Variants in PATJ observed in about 807,000 individuals in gnomAD.
PATJ encodes the protein inaD-like protein.
A neutral mutation model predicts 224.9 loss-of-function variants in PATJ; 190 were observed. The ratio of observed to expected loss-of-function variants is 0.84; its 90% CI spans 0.75 to 0.95. The LOEUF is 0.95. PATJ is among the 40% of genes least tolerant of loss of function. The pLI is 0.00. For synonymous variants in PATJ, 769 were observed against 820.3 expected (o/e 0.94, Z 1.07); for missense variants, 2,121 against 2,270.3 (o/e 0.93, Z 1.34).
chr1:62,070,688 TTTATA>T (rs1448938033), intron 31 of PATJ, among the ~76,000 whole-genome samples: 1 of 152,046 alleles, frequency 6.6e-6, no homozygotes, highest in Non-Finnish European at 1.5e-5. Context: ...AGAAGCAAAA[TTTATA>T]AAGGGCAGGG....
chr1:62,111,393 GA>G (rs1032460846), intron 34 of PATJ, among the ~76,000 whole-genome samples: 11 of 152,270 alleles, frequency 7.2e-5, no homozygotes, highest in African/African-American at 2.4e-4. Flanking sequence ...ATGCTGAGAG[GA>G]AAAACAGCCT....
intron 34 of PATJ, among the ~76,000 whole-genome samples, chr1:62,110,946 A>G (rs1399183894): frequency 6.6e-6 from 1 of 152,192 alleles, no homozygotes; most frequent in Non-Finnish European, 1.5e-5. Flanking sequence ...CACTTACATA[A>G]TACATCTCCC....
chr1:61,813,365 A>ATATATT (rs1655310595), intron 14 of PATJ, among the ~76,000 whole-genome samples: 3 of 48,326 alleles, frequency 6.2e-5, no homozygotes, highest in African/African-American at 2.3e-4. Context: ...ATATATATAT[A>ATATATT]TATATATATA....
intron 33 of PATJ, among the ~76,000 whole-genome samples, chr1:62,108,197 C>A (rs186299528): frequency 6.6e-6 from 1 of 152,282 alleles, no homozygotes; most frequent in African/African-American, 2.4e-5. Flanking sequence ...CAGTAAAACA[C>A]ATGGAAGAAC....
intron 26 of PATJ, among the ~76,000 whole-genome samples, chr1:61,926,657 C>T (rs146931264): frequency 4.3e-4 from 65 of 152,252 alleles, no homozygotes; most frequent in African/African-American, 1.5e-3. Context: ...TCTGCCATCA[C>T]TGTTGCATTT....
At chr1:61,845,436 C>G (rs780605987) in intron 17 of PATJ, among the ~76,000 whole-genome samples, 3 of 152,156 alleles carry the variant, frequency 2.0e-5, no homozygotes, top group African/African-American at 7.2e-5. Context: ...GAGAAACATA[C>G]TTAATATAAT....
intron 6 of PATJ, among the ~76,000 whole-genome samples, chr1:61,773,799 A>C (rs929405643): frequency 2.0e-5 from 3 of 150,586 alleles, no homozygotes; most frequent in Non-Finnish European, 4.4e-5. Flanking sequence ...AACAAAAAAC[A>C]AAAAACAAAA....
intron 12 of PATJ, among the ~76,000 whole-genome samples, chr1:61,805,172 A>G (rs1381414120): frequency 1.3e-5 from 2 of 152,214 alleles, no homozygotes; most frequent in African/African-American, 2.4e-5. Flanking sequence ...AATTTCATGT[A>G]TAACTCATCA....
At chr1:62,084,384 C>A in intron 32 of PATJ, 131 bp from the exon 33 acceptor site, 1 of 930,962 alleles carries the variant, frequency 1.1e-6, no homozygotes, top group Non-Finnish European at 1.5e-6. Context: ...CAGCTTTTTG[C>A]TTCATGGTGT....
intron 34 of PATJ, among the ~76,000 whole-genome samples, chr1:62,112,202 T>G (rs1663909156): frequency 6.6e-6 from 1 of 152,044 alleles, no homozygotes; most frequent in African/African-American, 2.4e-5. Context: ...CTTTAGAATG[T>G]TAGAATTAAA....
At chr1:61,827,625 T>C in intron 16 of PATJ, 42 bp downstream of exon 16, 1 of 1,570,062 alleles carries the variant, frequency 6.4e-7, no homozygotes. Context: ...GCATGCCCAT[T>C]CATCAAAGAT....
At position 62,132,829 on chromosome 1, in the gene PATJ, G is replaced by C. The variant is rs183096217; in HGVS notation, c.5271+3884G>C. On this transcript the variant is annotated intron_variant, in intron 41 of 43. Coordinates refer to ENST00000642238, the MANE Select transcript of PATJ (RefSeq NM_001350145.3). The stretch of plus-strand genomic sequence containing the variant: ...TGGGGTGGGAGGATTGCTTGAGCCC[G>C]GGGGGCAGAGGTTGCAGTGAGCCAA... 3.0e-3 allele frequency among the ~76,000 whole-genome samples: 457 copies of C among 151,466 alleles called. 17 individuals are homozygous for C. In the East Asian group the frequency reaches 0.078, roughly 26 times the overall value.
At chr1:62,011,129 G>A (rs1289688738) in intron 28 of PATJ, among the ~76,000 whole-genome samples, 7 of 152,162 alleles carry the variant, frequency 4.6e-5, no homozygotes, top group African/African-American at 1.4e-4. Flanking sequence ...TAGCAATTAG[G>A]CCGTTTCGCT....
intron 28 of PATJ, among the ~76,000 whole-genome samples, chr1:62,017,174 G>C (rs933578674): frequency 3.9e-5 from 6 of 152,182 alleles, no homozygotes; most frequent in Non-Finnish European, 7.3e-5. Flanking sequence ...GACTTACTTT[G>C]GGAGGCCAAG....
chr1:61,960,742 T>A lies in PATJ; in HGVS notation c.3671-29426T>A, dbSNP rs2498963. ...CATTTCAAATTCCTCTTGATTTTTT[T>A]AAAAGAAATTTCCCAAAATCTTGAT... On this transcript the variant is annotated intron_variant, in intron 27 of 43. Transcript: ENST00000642238. Among the ~76,000 whole-genome samples the A allele has an allele frequency of 3.5e-3, 536 of 152,298 alleles. 3 individuals carry two copies. Among genetic ancestry groups the A allele is most frequent in the African/African-American group, 0.012 (504 of 41,568 alleles).
intron 31 of PATJ, among the ~76,000 whole-genome samples, chr1:62,066,872 C>T (rs1316547192): frequency 6.6e-6 from 1 of 152,000 alleles, no homozygotes; most frequent in Non-Finnish European, 1.5e-5. Context: ...GGACACAGTC[C>T]TTGTTTACTG....
intron 41 of PATJ, among the ~76,000 whole-genome samples, chr1:62,132,875 G>T (rs898864646): frequency 6.6e-6 from 1 of 152,034 alleles, no homozygotes; most frequent in Non-Finnish European, 1.5e-5. Flanking sequence ...CTGCACTCCG[G>T]CCTGGATGAC....
intron 24 of PATJ, among the ~76,000 whole-genome samples, chr1:61,905,206 T>G (rs1671697814): frequency 6.6e-6 from 1 of 152,258 alleles, no homozygotes; most frequent in African/African-American, 2.4e-5. Context: ...TTTCAGTGTC[T>G]GGTGTGGACC....
intron 18 of PATJ, among the ~76,000 whole-genome samples, chr1:61,856,456 G>A (rs1023632769): frequency 1.4e-4 from 22 of 152,152 alleles, no homozygotes; most frequent in African/African-American, 5.3e-4. Context: ...TTCATTAAGT[G>A]CATAGCATAT....
Sources: gnomAD v4.1 joint callset for allele counts (sites outside exome capture counted in the v4.1 genomes callset) on GRCh38, gnomAD v4.1.1 for gene constraint, MANE v1.5 for transcripts, NCBI Gene and HGNC (gene_info 2026-07-23, HGNC 2026-07-21) for gene names.